TAFA1: variants seen among roughly 807,000 people sequenced by gnomAD.
TAFA1 encodes the protein chemokine-like protein TAFA-1.
TAFA1 carries 4 observed loss-of-function variants against 18.5 expected under a neutral mutation model. The observed-to-expected ratio is 0.22, with a 90% CI of 0.11 to 0.49. The LOEUF is 0.49. Ranked by LOEUF, TAFA1 falls within the 20% of genes least tolerant of loss-of-function variation. The probability of loss-of-function intolerance (pLI) is 0.98; values close to 1 mark genes in which losing one functional copy is unlikely to be tolerated. For missense variants in TAFA1, 147 were observed against 169.0 expected (o/e 0.87, Z 0.72); for synonymous variants, 56 against 55.2 (o/e 1.01, Z -0.06).
chr3:68,534,269 T>TA lies in TAFA1; in HGVS notation c.260-4485dup, dbSNP rs2073236611. ...TGCTACCTGAGAAGTTTCATCTGCA[T>TA]AACAGGACCACCTTTGCTAGCCAAA... is the stretch of plus-strand genomic sequence containing the variant. On this transcript the variant is annotated intron_variant, in intron 3 of 4. Transcript: ENST00000478136. Among the ~76,000 whole-genome samples, 7 of 152,294 alleles carry TA rather than the reference T, an allele frequency of 4.6e-5. No individual in the cohort carries two copies. In the South Asian group the frequency reaches 1.5e-3, roughly 32 times the overall value.
At chr3:68,203,339 C>A (rs2066489533) in intron 2 of TAFA1, among the ~76,000 whole-genome samples, 1 of 151,524 alleles carries the variant, frequency 6.6e-6, no homozygotes, top group Non-Finnish European at 1.5e-5. Flanking sequence ...GGTTTGGTGT[C>A]TGACATTAAT....
chr3:68,007,752 C>G (rs978358030), intron 2 of TAFA1, among the ~76,000 whole-genome samples: 9 of 152,276 alleles, frequency 5.9e-5, no homozygotes, highest in Admixed American at 1.3e-4. Flanking sequence ...CCTCCTCCCC[C>G]CATCCGTCGA....
At chr3:68,070,857 C>T (rs929238013) in intron 2 of TAFA1, among the ~76,000 whole-genome samples, 1 of 152,230 alleles carries the variant, frequency 6.6e-6, no homozygotes, top group Non-Finnish European at 1.5e-5. Context: ...CTCCAGTTCC[C>T]CACAAGTTCT....
chr3:68,164,886 G>A (rs2065965560), intron 2 of TAFA1, among the ~76,000 whole-genome samples: 1 of 152,040 alleles, frequency 6.6e-6, no homozygotes, highest in Non-Finnish European at 1.5e-5. Context: ...ATCATTTTAA[G>A]AATGTATTTC....
intron 3 of TAFA1, among the ~76,000 whole-genome samples, chr3:68,527,893 T>A (rs2073130763): frequency 6.6e-6 from 1 of 152,126 alleles, no homozygotes; most frequent in South Asian, 2.1e-4. Context: ...TGTCCTCCCC[T>A]CTACCCTCAC....
chr3:68,153,832 T>C (rs1190958080), intron 2 of TAFA1, among the ~76,000 whole-genome samples: 1 of 152,110 alleles, frequency 6.6e-6, no homozygotes, highest in African/African-American at 2.4e-5. Context: ...ATTGCCTACG[T>C]GTTGCTTAGA....
At chr3:67,995,381 A>G in the TAFA1 span, among the ~76,000 whole-genome samples, 1 of 152,154 alleles carries the variant, frequency 6.6e-6, no homozygotes. Context: ...GGTGGGGGCC[A>G]GGGCATTTAG....
At chr3:68,022,829 TA>T (rs1704722560) in intron 2 of TAFA1, among the ~76,000 whole-genome samples, 1 of 48,960 alleles carries the variant, frequency 2.0e-5, no homozygotes, top group Non-Finnish European at 3.5e-5. Flanking sequence ...ATATTATATA[TA>T]ATATATATAT....
At chr3:68,498,368 C>T (rs2072589351) in intron 3 of TAFA1, among the ~76,000 whole-genome samples, 1 of 151,770 alleles carries the variant, frequency 6.6e-6, no homozygotes, top group African/African-American at 2.4e-5. Flanking sequence ...TGTCCCCACT[C>T]TCAAAGATAC....
At chr3:68,477,333 C>G (rs1240630075) in intron 3 of TAFA1, among the ~76,000 whole-genome samples, 1 of 152,054 alleles carries the variant, frequency 6.6e-6, no homozygotes, top group African/African-American at 2.4e-5. Context: ...GATGGGCATT[C>G]AAGTAGATTC....
At chr3:68,357,522 T>C (rs1036852483) in intron 2 of TAFA1, among the ~76,000 whole-genome samples, 4 of 151,962 alleles carry the variant, frequency 2.6e-5, no homozygotes, top group Admixed American at 6.6e-5. Flanking sequence ...TTGTGTACTT[T>C]CAGGCCATTT....
chr3:68,171,376 CCTGGTGAGA>C (rs2066051581), intron 2 of TAFA1, among the ~76,000 whole-genome samples: 1 of 152,110 alleles, frequency 6.6e-6, no homozygotes, highest in South Asian at 2.1e-4. Flanking sequence ...ATAATATTAG[CCTGGTGAGA>C]CACATTTTAG....
At chr3:68,499,255 A>T (rs2072610908) in intron 3 of TAFA1, among the ~76,000 whole-genome samples, 1 of 124,418 alleles carries the variant, frequency 8.0e-6, no homozygotes, top group Non-Finnish European at 1.9e-5. Context: ...AACTCTTTAT[A>T]TGTTAAAAGA....
intron 3 of TAFA1, among the ~76,000 whole-genome samples, chr3:68,417,808 C>T (rs902033924): frequency 3.3e-5 from 5 of 152,032 alleles, no homozygotes; most frequent in East Asian, 1.9e-4. Flanking sequence ...AGCATGGCTA[C>T]GGAGGCCCCA....
chr3:68,456,529 T>C (rs2071669626), intron 3 of TAFA1, among the ~76,000 whole-genome samples: 1 of 152,194 alleles, frequency 6.6e-6, no homozygotes, highest in African/African-American at 2.4e-5. Flanking sequence ...AAACCTCTTT[T>C]TAAAACTATT....
At chr3:68,419,873 G>A (rs1172389003) in intron 3 of TAFA1, among the ~76,000 whole-genome samples, 5 of 152,134 alleles carry the variant, frequency 3.3e-5, no homozygotes, top group African/African-American at 4.8e-5. Flanking sequence ...GCCAAACCTC[G>A]TGGAATTCGT....
intron 3 of TAFA1, among the ~76,000 whole-genome samples, chr3:68,458,462 A>G (rs1275322126): frequency 6.6e-6 from 1 of 152,160 alleles, no homozygotes; most frequent in Non-Finnish European, 1.5e-5. Context: ...CCAGAATTGC[A>G]GCTTGTTTTT....
At chr3:68,426,188 T>G (rs1441024946) in intron 3 of TAFA1, among the ~76,000 whole-genome samples, 3 of 151,866 alleles carry the variant, frequency 2.0e-5, no homozygotes, top group Non-Finnish European at 4.4e-5. Context: ...CCGTAATTAT[T>G]TATCAATTAA....
At chr3:68,381,642 G>T (rs1381004011) in intron 2 of TAFA1, among the ~76,000 whole-genome samples, 2 of 152,216 alleles carry the variant, frequency 1.3e-5, no homozygotes, top group South Asian at 2.1e-4. Context: ...CTTTGCTGAA[G>T]TTGCTTATCA....
Sources: gnomAD v4.1 joint callset for allele counts (sites outside exome capture counted in the v4.1 genomes callset) on GRCh38, gnomAD v4.1.1 for gene constraint, MANE v1.5 for transcripts, NCBI Gene and HGNC (gene_info 2026-07-23, HGNC 2026-07-21) for gene names.